The following TEAD2 variants were observed in gnomAD, a reference collection of about 807,000 sequenced individuals.
TEAD2 encodes the protein TEA domain transcription factor 2.
A neutral mutation model predicts 61.4 loss-of-function variants in TEAD2; 51 were observed. The observed-to-expected ratio is 0.83, with a 90% CI of 0.66 to 1.05. The LOEUF (loss-of-function observed/expected upper bound fraction) is 1.05. Among genes scored for constraint, TEAD2 ranks in the 50% least tolerant of loss-of-function variants. The pLI is 0.00. For synonymous variants in TEAD2, 244 were observed against 243.2 expected, an observed-to-expected ratio of 1.00 and a Z score of -0.03; for missense variants, 509 against 600.0, an observed-to-expected ratio of 0.85 and a Z score of 1.58.
Position 49,340,630 on chromosome 19 carries a change from C to T in TEAD2, c.*694G>A, listed in dbSNP as rs1971200004. ...AATAGCTTTATCCTCTGTCAGAACA[C>T]AAACAAACAAACTTTGAGAGGGGAG... On this transcript the variant is annotated 3_prime_UTR_variant, in exon 13 of 13. Coordinates refer to ENST00000593945, the MANE Select transcript of TEAD2 (RefSeq NM_001256660.2). The T allele has an allele frequency of 1.9e-6, 1 of 535,424 alleles. No homozygotes were observed. Among genetic ancestry groups the T allele is most frequent in the Admixed American group, 3.1e-5 (1 of 31,786 alleles). The allele number at this position is 535,424 out of a possible 1,614,324, so 33.2% of individuals were successfully genotyped here. A position where few individuals can be genotyped will look rare whatever the true frequency, so the allele number is the denominator to read the frequency against.
intron 7 of TEAD2, 74 bp from the exon 8 acceptor site, chr19:49,351,439 G>T: frequency 7.2e-7 from 1 of 1,383,358 alleles, no homozygotes; most frequent in Non-Finnish European, 1.0e-6. Flanking sequence ...TTACTGAGAG[G>T]CCACAACAAG....
In TEAD2 at chr19:49,359,275, TAATTCTTTATAGCAATACA is replaced by T. The variant is rs566311763; in HGVS notation, c.297+141_297+159del. 339 of 686,990 alleles carry T rather than the reference TAATTCTTTATAGCAATACA, an allele frequency of 4.9e-4. 2 individuals are homozygous for T. The East Asian group carries it at 8.4e-3, about 17-fold the overall frequency. 42.6% of individuals were successfully genotyped at this position (686,990 alleles called of 1,614,324 possible). The stretch of plus-strand genomic sequence containing the variant: ...AATACATAAATAACCCAGCCTCGGG[TAATTCTTTATAGCAATACA>T]AACGGACTAACACACATGCCGAGAA... On this transcript the variant is annotated intron_variant, in intron 3 of 12. Transcript: ENST00000593945. The surrounding 1 kb of genome is among the most constrained non-coding windows in gnomAD (Gnocchi z 4.1).
At chr19:49,348,063 T>TAAAAC (rs1971765464) in intron 9 of TEAD2, among the ~76,000 whole-genome samples, 1 of 152,112 alleles carries the variant, frequency 6.6e-6, no homozygotes. Flanking sequence ...ATCTTGACTC[T>TAAAAC]CTCCCTTCCT....
At chr19:49,343,804 T>C (rs919619069) in intron 10 of TEAD2, among the ~76,000 whole-genome samples, 1 of 148,488 alleles carries the variant, frequency 6.7e-6, no homozygotes, top group African/African-American at 2.5e-5. Flanking sequence ...AGTTCCCGGC[T>C]TGATTCTTCA....
chr19:49,359,559 T>C lies in TEAD2; in HGVS notation c.233-60A>G, dbSNP rs1319300063. On this transcript the variant is annotated intron_variant, in intron 2 of 12. Transcript: ENST00000593945. The surrounding 1 kb of genome is among the most constrained non-coding windows in gnomAD (Gnocchi z 4.1). ...CTTTCAACAGAACTTCCCCACAGCA[T>C]GGACACCAGGGAAGAAGAAAGCAGC... The C allele has an allele frequency of 1.9e-6, 3 of 1,576,776 alleles. No individual in the cohort carries two copies. Among genetic ancestry groups the C allele is most frequent in the East Asian group, 4.5e-5 (2 of 44,668 alleles).
Position 49,342,588 on chromosome 19 carries a change from C to T in TEAD2, c.1092G>A (p.Thr364=), listed in dbSNP as rs769408245. Residue 364 remains threonine (T), a splice_region_variant and synonymous_variant, in exon 12 of 13, where the codon ACG becomes ACA. Transcript: ENST00000593945. ...TGCCGTCCTCCAGCTGGGCCCGTTC[C>T]GTCTGAACCAAGGGGAAGGGAGTTG... ...FGKQVVEKVE[T]ERAQLEDGRF... 12 of 1,610,488 alleles carry T rather than the reference C, an allele frequency of 7.5e-6. No individual in the cohort carries two copies. In the African/African-American group the frequency reaches 9.4e-5, roughly 13 times the overall value.
chr19:49,341,208 G>C lies in TEAD2; in HGVS notation c.*116C>G. The C allele has an allele frequency of 1.1e-6, 1 of 928,910 alleles. No homozygotes were observed. The highest frequency in any genetic ancestry group is 1.7e-6 in the Non-Finnish European group (1 of 597,856). 57.5% of individuals were successfully genotyped at this position (928,910 alleles called of 1,614,324 possible). ...GATGGCCCCAGTTGCTTAGGCCTCTGAGGTCAACCCCTTTACATCACAGCC... is the reference window on the plus strand; with the variant it reads ...GATGGCCCCAGTTGCTTAGGCCTCTCAGGTCAACCCCTTTACATCACAGCC... On this transcript the variant is annotated 3_prime_UTR_variant, in exon 13 of 13. Coordinates refer to ENST00000593945, the MANE Select transcript of TEAD2 (RefSeq NM_001256660.2). This position sits in a 1 kb window ranked among gnomAD's most constrained non-coding sequence, Gnocchi z 4.2.
intron 6 of TEAD2, 22 bp from the exon 7 acceptor site, chr19:49,355,228 A>G: frequency 6.2e-7 from 1 of 1,613,718 alleles, no homozygotes; most frequent in Non-Finnish European, 8.5e-7. Flanking sequence ...ACAAAGAAAA[A>G]TGGTTGGTCA....
chr19:49,341,176 T>TG lies in TEAD2; in HGVS notation c.*147dup, dbSNP rs1300201856. ...AACCAAGTTTTGGGGGCCCCTCTAA[T>TG]GGGGGGGATGGCCCCAGTTGCTTAG... is the stretch of plus-strand genomic sequence containing the variant. On this transcript the variant is annotated 3_prime_UTR_variant, in exon 13 of 13. Coordinates refer to ENST00000593945, the MANE Select transcript of TEAD2 (RefSeq NM_001256660.2). This position sits in a 1 kb window ranked among gnomAD's most constrained non-coding sequence, Gnocchi z 4.2. 22 of 678,074 alleles carry TG rather than the reference T, an allele frequency of 3.2e-5. No individual in the cohort carries two copies. Among genetic ancestry groups the TG allele is most frequent in the South Asian group, 1.3e-4 (7 of 54,266 alleles). The allele number at this position is 678,074 out of a possible 1,614,324, so 42.0% of individuals were successfully genotyped here. A position where few individuals can be genotyped will look rare whatever the true frequency, so the allele number is the denominator to read the frequency against.
Position 49,347,298 on chromosome 19 carries a change from C to A in TEAD2, c.813G>T (p.Glu271Asp). ...CGTAGATCTGCCGGACGTCCACACT[C>A]TCGAGCGGCGGCGCTCCGGGGCTGG... ...HCPSPGAPPL[E>D]SVDVRQIYDK... The change falls in exon 10 of 13, where the codon GAG becomes GAT. Residue 271 changes from glutamate (E) to aspartate (D), a missense_variant. Coordinates refer to ENST00000593945, the MANE Select transcript of TEAD2 (RefSeq NM_001256660.2). 6.2e-7 allele frequency: 1 copy of A among 1,613,850 alleles called. No homozygotes were observed. The highest frequency in any genetic ancestry group is 8.5e-7 in the Non-Finnish European group (1 of 1,180,010).
At chr19:49,358,495 T>C in intron 3 of TEAD2, among the ~76,000 whole-genome samples, 1 of 152,180 alleles carries the variant, frequency 6.6e-6, no homozygotes, top group Non-Finnish European at 1.5e-5. Flanking sequence ...CCACTTTCCA[T>C]GTGCCAGGCC....
At chr19:49,345,678 C>T (rs1971583742) in intron 10 of TEAD2, among the ~76,000 whole-genome samples, 1 of 151,986 alleles carries the variant, frequency 6.6e-6, no homozygotes, top group South Asian at 2.1e-4. Flanking sequence ...GAGACTAGAT[C>T]CCTCCACCAC....
chr19:49,355,134 C>T lies in TEAD2; in HGVS notation c.539+14G>A, dbSNP rs758719419. ...GTGGGGGGCAGGTGCTGAGCCAGGA[C>T]ACATAGTACTCACTCTGGAACATTC... is the stretch of plus-strand genomic sequence containing the variant. On this transcript the variant is annotated intron_variant, in intron 7 of 12. Coordinates refer to ENST00000593945, the MANE Select transcript of TEAD2 (RefSeq NM_001256660.2). The T allele has an allele frequency of 1.9e-6, 3 of 1,603,408 alleles. No homozygotes were observed. The highest frequency in any genetic ancestry group is 2.2e-5 in the East Asian group (1 of 44,530).
chr19:49,357,325 C>A lies in TEAD2; in HGVS notation c.298-11G>T. 1 of 1,613,658 alleles carries A rather than the reference C, an allele frequency of 6.2e-7. No individual in the cohort carries two copies. Among genetic ancestry groups the A allele is most frequent in the Non-Finnish European group, 8.5e-7 (1 of 1,179,874 alleles). ...GATGTGACTAGAAACCTGGAAGGATCAACGGAGAAGCAGATTCAGGCCACA... is the reference window on the plus strand; with the variant it reads ...GATGTGACTAGAAACCTGGAAGGATAAACGGAGAAGCAGATTCAGGCCACA... On this transcript the variant is annotated splice_polypyrimidine_tract_variant and intron_variant, in intron 3 of 12. Coordinates refer to ENST00000593945, the MANE Select transcript of TEAD2 (RefSeq NM_001256660.2).
At chr19:49,351,035 C>T (rs928104569) in intron 8 of TEAD2, among the ~76,000 whole-genome samples, 2 of 151,932 alleles carry the variant, frequency 1.3e-5, no homozygotes, top group Admixed American at 1.3e-4. Flanking sequence ...AAAAATTAGC[C>T]CGGCATGGTG....
At position 49,359,272 on chromosome 19, in the gene TEAD2, G is replaced by T; in HGVS notation, c.297+163C>A. ...ACAAATACATAAATAACCCAGCCTC[G>T]GGTAATTCTTTATAGCAATACAAAC... On this transcript the variant is annotated intron_variant, in intron 3 of 12. Transcript: ENST00000593945. The surrounding 1 kb of genome is among the most constrained non-coding windows in gnomAD (Gnocchi z 4.1). 1.5e-6 allele frequency: 1 copy of T among 684,616 alleles called. No homozygotes were observed. The highest frequency in any genetic ancestry group is 2.5e-5 in the East Asian group (1 of 39,552). The allele number at this position is 684,616 out of a possible 1,614,324, so 42.4% of individuals were successfully genotyped here. A position where few individuals can be genotyped will look rare whatever the true frequency, so the allele number is the denominator to read the frequency against.
chr19:49,350,389 G>A (rs149333812), intron 8 of TEAD2, among the ~76,000 whole-genome samples: 1,601 of 152,016 alleles, frequency 0.011, 25 homozygotes, highest in African/African-American at 0.037. Flanking sequence ...GTGCCACCTC[G>A]GCTCACTGCA....
rs141768423 is a variant in TEAD2, at chr19:49,354,985, G to A, written c.539+163C>T. On this transcript the variant is annotated intron_variant, in intron 7 of 12. Transcript: ENST00000593945. ...TGTACTCCATCCAGCCTGGGCAACG[G>A]AGCAAGACTCCATGTCAATAAATAC... Among the ~76,000 whole-genome samples the A allele has an allele frequency of 4.4e-3, 675 of 151,932 alleles. 4 individuals carry two copies. Among genetic ancestry groups the A allele is most frequent in the African/African-American group, 0.015 (626 of 41,416 alleles).
rs766976298 is a variant in TEAD2 at position 49,355,335 on chromosome 19, T to G, written c.457A>C (p.Lys153Gln). The change falls in exon 6 of 13, where the codon AAA (lysine) becomes CAA (glutamine). Residue 153 changes from lysine to glutamine, a missense_variant. Transcript: ENST00000593945. Reference sequence around the variant, plus strand: ...ACCTGAGGACCAGTGGGACCCAGTTTGGCCTGCAGAGAAGGCGCGGAGATG... The same window carrying G: ...ACCTGAGGACCAGTGGGACCCAGTTGGGCCTGCAGAGAAGGCGCGGAGATG... ...QLISAPSLQA[K>Q]LGPTGPQASE... The G allele has an allele frequency of 2.4e-5, 38 of 1,614,186 alleles. No individual in the cohort carries two copies. In the South Asian group the frequency reaches 4.0e-4, roughly 17 times the overall value.
Sources: allele counts gnomAD v4.1 joint callset (sites outside exome capture counted in the v4.1 genomes callset), GRCh38; gene constraint gnomAD v4.1.1; non-coding constraint Gnocchi (gnomAD v3.1); transcripts MANE v1.5; gene names NCBI Gene and HGNC (gene_info 2026-07-23, HGNC 2026-07-21).